The following USP10 variants were observed in gnomAD, a reference collection of about 807,000 sequenced individuals.
USP10 encodes the protein ubiquitin carboxyl-terminal hydrolase 10.
A neutral mutation model predicts 84.5 loss-of-function variants in USP10; 22 were observed. The observed-to-expected ratio is 0.26, with a 90% confidence interval of 0.19 to 0.37. USP10 has a LOEUF of 0.37. Among genes scored for constraint, USP10 ranks in the 10% least tolerant of loss-of-function variants. The pLI is 1.00. For missense variants in USP10, 1,019 were observed against 998.9 expected (o/e 1.02, Z -0.27); for synonymous variants, 454 against 387.6 (o/e 1.17, Z -2.01).
At chr16:84,704,817 C>G in intron 1 of USP10, 1 of 1,535,716 alleles carries the variant, frequency 6.5e-7, no homozygotes. Flanking sequence ...TCTGTCCCGT[C>G]TTGAAACATC....
At chr16:84,732,953 T>C (rs1025567074) in intron 1 of USP10, 4 of 399,700 alleles carry the variant, frequency 1.0e-5, no homozygotes, top group African/African-American at 2.1e-5. Flanking sequence ...TAAGAAGTTA[T>C]ATAGATATTT....
At chr16:84,718,530 G>A (rs559043446) in intron 1 of USP10, among the ~76,000 whole-genome samples, 83 of 152,228 alleles carry the variant, frequency 5.5e-4, no homozygotes, top group Admixed American at 2.2e-3. Context: ...AGGCCAAGGC[G>A]GGTGGATCAC....
At chr16:84,758,236 A>G (rs1912811296) in intron 4 of USP10, among the ~76,000 whole-genome samples, 1 of 152,202 alleles carries the variant, frequency 6.6e-6, no homozygotes, top group Non-Finnish European at 1.5e-5. Context: ...CATTGAACAC[A>G]CACAGTGATG....
intron 1 of USP10, among the ~76,000 whole-genome samples, chr16:84,715,598 C>T (rs1906905079): frequency 6.6e-6 from 1 of 152,034 alleles, no homozygotes; most frequent in Non-Finnish European, 1.5e-5. Flanking sequence ...CTTTTATCTC[C>T]CTTTTTGCTT....
chr16:84,766,201 G>C (rs929253084), intron 10 of USP10, among the ~76,000 whole-genome samples: 1 of 152,252 alleles, frequency 6.6e-6, no homozygotes, highest in African/African-American at 2.4e-5. Flanking sequence ...GCCCTCAGAA[G>C]CTGGTTTCCC....
intron 4 of USP10, among the ~76,000 whole-genome samples, chr16:84,751,140 A>G (rs1271425370): frequency 2.0e-5 from 3 of 152,222 alleles, no homozygotes; most frequent in Non-Finnish European, 4.4e-5. Flanking sequence ...GTTGTGTTAC[A>G]GTTGCCTACG....
chr16:84,721,001 T>C (rs373865110), intron 1 of USP10, among the ~76,000 whole-genome samples: 1 of 148,798 alleles, frequency 6.7e-6, no homozygotes, highest in East Asian at 2.0e-4. Context: ...TCAAGCTATT[T>C]TCCTGCCTCA....
At chr16:84,744,535 G>T (rs1806031673) in intron 3 of USP10, 98 bp from the exon 4 acceptor site, 1 of 1,160,922 alleles carries the variant, frequency 8.6e-7, no homozygotes, top group Non-Finnish European at 1.2e-6. Flanking sequence ...ATTAGGAAGA[G>T]AACTTAAGGT....
At chr16:84,733,932 G>A (rs538823591) in intron 2 of USP10, among the ~76,000 whole-genome samples, 55 of 152,256 alleles carry the variant, frequency 3.6e-4, no homozygotes, top group African/African-American at 1.0e-3. Flanking sequence ...TTAAGCTAAC[G>A]TTGTATTCTT....
intron 1 of USP10, among the ~76,000 whole-genome samples, chr16:84,720,052 T>A (rs1907579084): frequency 6.6e-6 from 1 of 152,220 alleles, no homozygotes; most frequent in Non-Finnish European, 1.5e-5. Context: ...CTGTGCTTGA[T>A]CTTAACACCG....
intron 13 of USP10, among the ~76,000 whole-genome samples, chr16:84,776,997 G>A (rs1208985471): frequency 6.6e-6 from 1 of 152,222 alleles, no homozygotes; most frequent in Non-Finnish European, 1.5e-5. Flanking sequence ...ATTTTGAATA[G>A]AGACGAGGTT....
chr16:84,779,149 G>A lies in USP10; in HGVS notation c.*67G>A, dbSNP rs559091833. On this transcript the variant is annotated 3_prime_UTR_variant, in exon 14 of 14. Transcript: ENST00000219473. ...GGACACCACCTCACACTCACTTCCC[G>A]CCTCTCTTTAGTGGCTCTTTAGAGA... 1.9e-5 allele frequency: 30 copies of A among 1,538,880 alleles called. No individual in the cohort carries two copies. Among genetic ancestry groups the A allele is most frequent in the African/African-American group, 4.1e-5 (3 of 73,560 alleles).
At chr16:84,700,347 C>T (rs1904684384) in intron 1 of USP10, among the ~76,000 whole-genome samples, 2 of 151,990 alleles carry the variant, frequency 1.3e-5, no homozygotes, top group Admixed American at 1.3e-4. Context: ...GCGGGGGCTC[C>T]GGGCCCCGCT....
intron 12 of USP10, 59 bp from the exon 13 acceptor site, chr16:84,775,101 C>A: frequency 6.8e-7 from 1 of 1,480,614 alleles, no homozygotes; most frequent in Non-Finnish European, 9.4e-7. Flanking sequence ...CCATTTTCTG[C>A]TGCTGTTACC....
intron 9 of USP10, 57 bp downstream of exon 9, chr16:84,763,145 T>A: frequency 9.2e-7 from 1 of 1,091,726 alleles, no homozygotes; most frequent in South Asian, 1.3e-5. Context: ...AAACAGGTGT[T>A]GCATACTCAT....
intron 3 of USP10, among the ~76,000 whole-genome samples, chr16:84,741,826 C>T (rs1910661474): frequency 6.6e-6 from 1 of 152,186 alleles, no homozygotes; most frequent in African/African-American, 2.4e-5. Context: ...CCTGTGGGCA[C>T]TGTCATGGAC....
At chr16:84,744,246 T>C (rs1910954533) in intron 3 of USP10, among the ~76,000 whole-genome samples, 1 of 152,208 alleles carries the variant, frequency 6.6e-6, no homozygotes, top group South Asian at 2.1e-4. Flanking sequence ...TCATGATCTT[T>C]TAAAATTTAA....
chr16:84,756,546 T>C (rs11863660), intron 4 of USP10, among the ~76,000 whole-genome samples: 3,648 of 152,186 alleles, frequency 0.024, 133 homozygotes, highest in African/African-American at 0.082. Flanking sequence ...TGAGCCAAGA[T>C]TGCACCACTG....
At chr16:84,709,053 A>G (rs1056944365) in intron 1 of USP10, 2 of 152,248 alleles carry the variant, frequency 1.3e-5, no homozygotes, top group Admixed American at 1.3e-4. Context: ...TCGTTTGTTC[A>G]TTCATTCAGC....
Sources: allele counts gnomAD v4.1 joint callset (sites outside exome capture counted in the v4.1 genomes callset), GRCh38; gene constraint gnomAD v4.1.1; transcripts MANE v1.5; gene names NCBI Gene and HGNC (gene_info 2026-07-23, HGNC 2026-07-21).